MTMR7: variants seen among roughly 807,000 people sequenced by gnomAD.
MTMR7 encodes the protein myotubularin related protein 7.
A neutral mutation model predicts 81.2 loss-of-function variants in MTMR7; 76 were observed. The observed-to-expected ratio is 0.94, with a 90% CI of 0.78 to 1.13. The LOEUF is 1.13. Among genes scored for constraint, MTMR7 ranks in the 50% most tolerant of loss-of-function variants. The pLI, the probability that MTMR7 is intolerant of heterozygous loss-of-function variation, is 0.00. For missense variants in MTMR7, 1,044 were observed against 820.0 expected, an observed-to-expected ratio of 1.27 and a Z score of -3.34; for synonymous variants, 372 against 289.8, an observed-to-expected ratio of 1.28 and a Z score of -2.88.
intron 1 of MTMR7, among the ~76,000 whole-genome samples, chr8:17,406,886 A>G: frequency 6.6e-6 from 1 of 152,180 alleles, no homozygotes; most frequent in East Asian, 1.9e-4. Flanking sequence ...GTATGATTAA[A>G]TTTAAAATGT....
At chr8:17,344,824 T>A (rs1465819122) in intron 5 of MTMR7, among the ~76,000 whole-genome samples, 1 of 152,148 alleles carries the variant, frequency 6.6e-6, no homozygotes, top group Non-Finnish European at 1.5e-5. Flanking sequence ...CAATAAGTAT[T>A]CATTATGAAA....
intron 7 of MTMR7, 33 bp downstream of exon 7, chr8:17,331,117 C>T: frequency 6.3e-7 from 1 of 1,588,908 alleles, no homozygotes; most frequent in South Asian, 1.2e-5. Context: ...TACTTAACTG[C>T]ATTTTAATGC....
intron 4 of MTMR7, among the ~76,000 whole-genome samples, chr8:17,358,980 A>G (rs1819980492): frequency 6.6e-6 from 1 of 152,074 alleles, no homozygotes; most frequent in Admixed American, 6.5e-5. Flanking sequence ...TGCTGCCTCA[A>G]CCTCGCAGGC....
chr8:17,394,041 TAAC>T (rs1450722024), intron 1 of MTMR7, among the ~76,000 whole-genome samples: 1 of 152,058 alleles, frequency 6.6e-6, no homozygotes, highest in African/African-American at 2.4e-5. Context: ...AATCAAGAGA[TAAC>T]AACAAGTGTT....
At chr8:17,334,143 A>C (rs753309048) in intron 6 of MTMR7, among the ~76,000 whole-genome samples, 3 of 152,194 alleles carry the variant, frequency 2.0e-5, no homozygotes, top group Non-Finnish European at 4.4e-5. Flanking sequence ...GAATGAACAG[A>C]AGGTGGCAAT....
intron 1 of MTMR7, among the ~76,000 whole-genome samples, chr8:17,397,734 T>G (rs1168175259): frequency 6.6e-6 from 1 of 152,188 alleles, no homozygotes; most frequent in East Asian, 1.9e-4. Context: ...ACTTTGGAAG[T>G]AGCCAGGTAG....
chr8:17,404,914 C>T (rs1248477032), intron 1 of MTMR7, among the ~76,000 whole-genome samples: 1 of 152,210 alleles, frequency 6.6e-6, no homozygotes, highest in Admixed American at 6.5e-5. Flanking sequence ...CAACCTCTGC[C>T]TCCGAGGTTT....
At chr8:17,363,906 A>T (rs1295397727) in intron 3 of MTMR7, among the ~76,000 whole-genome samples, 3 of 117,106 alleles carry the variant, frequency 2.6e-5, no homozygotes, top group Non-Finnish European at 4.2e-5. Context: ...AGGCAAGCTT[A>T]AAAAAAAAAA....
chr8:17,330,655 G>A (rs1818953061), intron 7 of MTMR7, among the ~76,000 whole-genome samples: 1 of 152,214 alleles, frequency 6.6e-6, no homozygotes, highest in African/African-American at 2.4e-5. Flanking sequence ...ATATGTCAAA[G>A]TGTGTGTGGA....
At chr8:17,404,377 T>G (rs75394982) in intron 1 of MTMR7, among the ~76,000 whole-genome samples, 9,744 of 152,044 alleles carry the variant, frequency 0.064, 382 homozygotes, top group Non-Finnish European at 0.074. Context: ...CGAGAGGGAA[T>G]TAGTTCAGTT....
Position 17,382,638 on chromosome 8 carries a change from T to C in MTMR7, c.25-9398A>G, listed in dbSNP as rs191647449. On this transcript the variant is annotated intron_variant, in intron 1 of 13. Coordinates refer to ENST00000180173, the MANE Select transcript of MTMR7 (RefSeq NM_004686.5). The stretch of plus-strand genomic sequence containing the variant: ...TCACGCTACACGGCATGCAGAACAA[T>C]CTTAGTGTCTCAAATGAAATACCCA... 4.6e-5 allele frequency among the ~76,000 whole-genome samples: 7 copies of C among 152,298 alleles called. No individual in the cohort carries two copies. The East Asian group carries it at 1.4e-3, about 29-fold the overall frequency.
chr8:17,398,679 A>G (rs1453279182), intron 1 of MTMR7, among the ~76,000 whole-genome samples: 2 of 152,228 alleles, frequency 1.3e-5, no homozygotes, highest in African/African-American at 4.8e-5. Flanking sequence ...CTAAAGAACT[A>G]TGGTGTGTGA....
intron 5 of MTMR7, among the ~76,000 whole-genome samples, 153 bp from the exon 6 acceptor site, chr8:17,341,650 T>C (rs1321731563): frequency 6.6e-6 from 1 of 152,234 alleles, no homozygotes; most frequent in African/African-American, 2.4e-5. Context: ...AATCAAGCCT[T>C]GTTTATTAAA....
chr8:17,337,885 G>A (rs1819297004), intron 6 of MTMR7, among the ~76,000 whole-genome samples: 4 of 152,144 alleles, frequency 2.6e-5, no homozygotes, highest in Admixed American at 1.3e-4. Context: ...ATCTGAACAG[G>A]CAGCTCTGGA....
intron 3 of MTMR7, among the ~76,000 whole-genome samples, chr8:17,362,663 G>A (rs114426241): frequency 0.01 from 1,538 of 152,140 alleles, 36 homozygotes; most frequent in African/African-American, 0.034. Flanking sequence ...TTCCTTCCTC[G>A]TTCCAGGCCC....
intron 7 of MTMR7, among the ~76,000 whole-genome samples, chr8:17,321,136 A>G (rs1057152336): frequency 6.6e-6 from 1 of 152,226 alleles, no homozygotes; most frequent in Non-Finnish European, 1.5e-5. Context: ...CCCAGGAACA[A>G]AAGATCCTTT....
intron 1 of MTMR7, among the ~76,000 whole-genome samples, chr8:17,397,619 C>A (rs548098580): frequency 6.6e-6 from 1 of 152,328 alleles, no homozygotes; most frequent in African/African-American, 2.4e-5. Flanking sequence ...GACAACATCT[C>A]TGGACCTGCC....
intron 10 of MTMR7, 38 bp from the exon 11 acceptor site, chr8:17,305,995 T>A: frequency 6.5e-7 from 1 of 1,530,916 alleles, no homozygotes; most frequent in Non-Finnish European, 8.9e-7. Flanking sequence ...TAAGGCAGAT[T>A]TATTTTTAAA....
At chr8:17,359,205 G>C (rs370612044) in intron 4 of MTMR7, among the ~76,000 whole-genome samples, 1 of 152,030 alleles carries the variant, frequency 6.6e-6, no homozygotes, top group African/African-American at 2.4e-5. Context: ...GCTTAAATGC[G>C]TATTAATAAA....
Sources: gnomAD v4.1 joint callset for allele counts (sites outside exome capture counted in the v4.1 genomes callset) on GRCh38, gnomAD v4.1.1 for gene constraint, MANE v1.5 for transcripts, NCBI Gene and HGNC (gene_info 2026-07-23, HGNC 2026-07-21) for gene names.